The following IQCE variants were observed in gnomAD, a reference collection of about 807,000 sequenced individuals.
IQCE encodes IQ domain-containing protein E.
A neutral mutation model predicts 96.0 loss-of-function variants in IQCE; 115 were observed. The observed-to-expected ratio is 1.20, with a 90% CI of 1.03 to 1.40. The LOEUF is 1.40. Among genes scored for constraint, IQCE ranks in the 40% most tolerant of loss-of-function variants. The pLI, the probability that IQCE is intolerant of heterozygous loss-of-function variation, is 0.00. For missense variants in IQCE, 1,041 were observed against 909.1 expected (o/e 1.15, Z -1.87); for synonymous variants, 412 against 371.2 (o/e 1.11, Z -1.26).
rs1298850651 is a variant in IQCE at position 2,614,535 on chromosome 7, A to G, written c.*4373A>G. On this transcript the variant is annotated 3_prime_UTR_variant, in exon 22 of 22. Coordinates refer to ENST00000402050, the MANE Select transcript of IQCE (RefSeq NM_152558.5). ...CAACAGAAATGACGTCTGGAAGCTG[A>G]AATGTGAAACTGTCAAGATGGCTTA... 6.6e-6 allele frequency: 1 copy of G among 152,256 alleles called. No individual in the cohort carries two copies. The highest frequency in any genetic ancestry group is 1.9e-4 in the East Asian group (1 of 5,202). 9.4% of individuals were successfully genotyped at this position (152,256 alleles called of 1,614,324 possible). A position where few individuals can be genotyped will look rare whatever the true frequency, so the allele number is the denominator to read the frequency against.
At chr7:2,593,354 T>A (rs1226268545) in intron 15 of IQCE, among the ~76,000 whole-genome samples, 1 of 152,242 alleles carries the variant, frequency 6.6e-6, no homozygotes, top group East Asian at 1.9e-4. Flanking sequence ...CGTCCTCTGC[T>A]CTGGCTGTGC....
intron 13 of IQCE, among the ~76,000 whole-genome samples, chr7:2,589,657 T>A (rs1228014600): frequency 6.6e-6 from 1 of 151,630 alleles, no homozygotes; most frequent in African/African-American, 2.4e-5. Context: ...TTTTAATGAC[T>A]TCTGCCTGCG....
rs1029319500 is a variant in IQCE at position 2,613,837 on chromosome 7, GAGA to G, written c.*3679_*3681del. Reference sequence around the variant, plus strand: ...CAAGGCAGAAGAGGTGGAAGGGCCAGAGAAGACCACCAAGACCACCGTTCCCGC... The same window carrying G: ...CAAGGCAGAAGAGGTGGAAGGGCCAGAGACCACCAAGACCACCGTTCCCGC... On this transcript the variant is annotated 3_prime_UTR_variant, in exon 22 of 22. Coordinates refer to ENST00000402050, the MANE Select transcript of IQCE (RefSeq NM_152558.5). 2 of 152,270 alleles carry G rather than the reference GAGA, an allele frequency of 1.3e-5. No homozygotes were observed. Among genetic ancestry groups the G allele is most frequent in the African/African-American group, 4.8e-5 (2 of 41,454 alleles). The allele number at this position is 152,270 out of a possible 1,614,324, so 9.4% of individuals were successfully genotyped here.
intron 6 of IQCE, among the ~76,000 whole-genome samples, chr7:2,575,847 C>T (rs1011191770): frequency 1.3e-5 from 2 of 152,158 alleles, no homozygotes; most frequent in Non-Finnish European, 2.9e-5. Flanking sequence ...ATCGCTGGCC[C>T]CCCGGCTCCC....
Position 2,613,069 on chromosome 7 carries a change from G to C in IQCE, c.*2907G>C, listed in dbSNP as rs1299433762. 1.3e-5 allele frequency: 2 copies of C among 152,280 alleles called. No homozygotes were observed. Among genetic ancestry groups the C allele is most frequent in the Non-Finnish European group, 2.9e-5 (2 of 68,070 alleles). The allele number at this position is 152,280 out of a possible 1,614,324, so 9.4% of individuals were successfully genotyped here. A position where few individuals can be genotyped will look rare whatever the true frequency, so the allele number is the denominator to read the frequency against. On this transcript the variant is annotated 3_prime_UTR_variant, in exon 22 of 22. Transcript: ENST00000402050. ...GAACTTCAAGAACAGCAGCAAAGCT[G>C]TATCTGCTATCAGAGGCTGTTAGGT... is the stretch of plus-strand genomic sequence containing the variant.
rs576019414 is a variant in IQCE at position 2,614,022 on chromosome 7, G to A, written c.*3860G>A. The A allele has an allele frequency of 1.3e-5, 2 of 152,260 alleles. No individual in the cohort carries two copies. Among genetic ancestry groups the A allele is most frequent in the Non-Finnish European group, 2.9e-5 (2 of 68,054 alleles). The allele number at this position is 152,260 out of a possible 1,614,324, so 9.4% of individuals were successfully genotyped here. ...AATAGCCAAACGACGCTGGTCGCAT[G>A]CGCTGGCTGTGGTCTGTCTGCTGAA... On this transcript the variant is annotated 3_prime_UTR_variant, in exon 22 of 22. Transcript: ENST00000402050.
intron 10 of IQCE, 33 bp from the exon 11 acceptor site, chr7:2,584,192 ATGCTAGCCTTG>A: frequency 6.4e-7 from 1 of 1,562,376 alleles, no homozygotes; most frequent in Non-Finnish European, 8.8e-7. Context: ...GGTCTTCTCC[ATGCTAGCCTTG>A]TGTTTTCATG....
intron 16 of IQCE, among the ~76,000 whole-genome samples, chr7:2,595,673 T>C (rs1783973764): frequency 6.6e-6 from 1 of 150,562 alleles, no homozygotes; most frequent in African/African-American, 2.4e-5. Context: ...GGTGCTGCAC[T>C]TGCCTCCCTG....
rs185592901 is a variant in IQCE, at chr7:2,607,818, A to T, written c.1969+591A>T. ...TCCCGTGTCTTATCCTGCAATTAGA[A>T]ACCCCCCATTGACACCTCCTGTAAA... On this transcript the variant is annotated intron_variant, in intron 21 of 21. Coordinates refer to ENST00000402050, the MANE Select transcript of IQCE (RefSeq NM_152558.5). Among the ~76,000 whole-genome samples the T allele has an allele frequency of 4.6e-5, 7 of 152,288 alleles. No individual in the cohort carries two copies. The East Asian group carries it at 1.4e-3, about 29-fold the overall frequency.
At chr7:2,601,489 C>G (rs1784429387) in intron 18 of IQCE, 25 bp downstream of exon 18, 2 of 1,547,882 alleles carry the variant, frequency 1.3e-6, no homozygotes, top group Non-Finnish European at 1.8e-6. Flanking sequence ...TTTCTTGTTT[C>G]AAAATTCGGA....
intron 5 of IQCE, 97 bp from the exon 6 acceptor site, chr7:2,573,321 G>C: frequency 1.5e-6 from 1 of 670,648 alleles, no homozygotes; most frequent in Non-Finnish European, 2.7e-6. Context: ...TTTTTAAAAG[G>C]AAATGTTACT....
chr7:2,591,705 C>G (rs1783600387), intron 14 of IQCE, among the ~76,000 whole-genome samples: 2 of 151,074 alleles, frequency 1.3e-5, no homozygotes, highest in South Asian at 4.2e-4. Context: ...ACTGCAAACT[C>G]TGCCTCCCCA....
chr7:2,595,078 T>G, intron 16 of IQCE, 102 bp downstream of exon 16: 1 of 785,462 alleles, frequency 1.3e-6, no homozygotes, highest in Non-Finnish European at 2.3e-6. Context: ...GACCAGCCAC[T>G]GAAAATCCCA....
intron 6 of IQCE, among the ~76,000 whole-genome samples, chr7:2,574,255 G>C (rs997586223): frequency 6.6e-6 from 1 of 152,216 alleles, no homozygotes. Flanking sequence ...GAGACACTGC[G>C]TTCAGTTGGG....
intron 20 of IQCE, 38 bp from the exon 21 acceptor site, chr7:2,607,086 A>C (rs373385659): frequency 3.2e-6 from 5 of 1,550,436 alleles, no homozygotes; most frequent in Non-Finnish European, 4.4e-6. Context: ...TGTACTCTCT[A>C]AAAGCAGAAT....
chr7:2,582,627 C>T lies in IQCE; in HGVS notation c.678C>T (p.Cys226=). 1 of 1,613,970 alleles carries T rather than the reference C, an allele frequency of 6.2e-7. No individual in the cohort carries two copies. The highest frequency in any genetic ancestry group is 8.5e-7 in the Non-Finnish European group (1 of 1,179,954). The part of the protein sequence containing the change: ...KQRILKLEQQ[C]KEKDGTISKL... ...GGATCCTGAAGCTGGAACAGCAGTG[C>T]AAGGAGAAGGACGGCACCATCAGGT... The change falls in exon 9 of 22, where the codon TGC becomes TGT. Residue 226 remains cysteine, a synonymous_variant. Coordinates refer to ENST00000402050, the MANE Select transcript of IQCE (RefSeq NM_152558.5).
intron 14 of IQCE, among the ~76,000 whole-genome samples, chr7:2,592,525 T>C (rs1187641747): frequency 6.6e-6 from 1 of 152,088 alleles, no homozygotes; most frequent in African/African-American, 2.4e-5. Flanking sequence ...CAGCATACAG[T>C]CCATCTGAGA....
intron 6 of IQCE, among the ~76,000 whole-genome samples, chr7:2,575,856 C>T (rs902725195): frequency 6.6e-5 from 10 of 152,216 alleles, no homozygotes; most frequent in African/African-American, 2.2e-4. Context: ...CCCCCGGCTC[C>T]CGGCCCATCC....
chr7:2,587,640 G>A (rs943315448), intron 12 of IQCE, among the ~76,000 whole-genome samples, 182 bp from the exon 13 acceptor site: 4 of 152,154 alleles, frequency 2.6e-5, no homozygotes, highest in Admixed American at 6.5e-5. Context: ...CACGATCCAA[G>A]GGGGCAGAGA....
Sources: gnomAD v4.1 joint callset for allele counts (sites outside exome capture counted in the v4.1 genomes callset) on GRCh38, gnomAD v4.1.1 for gene constraint, MANE v1.5 for transcripts, NCBI Gene and HGNC (gene_info 2026-07-23, HGNC 2026-07-21) for gene names.